SMAD3: variants seen among roughly 807,000 people sequenced by gnomAD.
SMAD3 encodes the protein MAD homolog 3.
A neutral mutation model predicts 51.8 loss-of-function variants in SMAD3; 12 were observed. The observed-to-expected ratio is 0.23, with a 90% CI of 0.15 to 0.38. The LOEUF is 0.38. Ranked by LOEUF, SMAD3 falls within the 10% of genes least tolerant of loss-of-function variation. The pLI is 1.00. For synonymous variants in SMAD3, 238 were observed against 227.7 expected, an observed-to-expected ratio of 1.05 and a Z score of -0.41; for missense variants, 294 against 565.6, an observed-to-expected ratio of 0.52 and a Z score of 4.87.
At chr15:67,082,010 T>G (rs1446673961) in intron 1 of SMAD3, among the ~76,000 whole-genome samples, 1 of 152,040 alleles carries the variant, frequency 6.6e-6, no homozygotes, top group Non-Finnish European at 1.5e-5. Flanking sequence ...ACCAACTTAC[T>G]GATTAATGTT....
At chr15:67,175,125 G>A (rs1468405054) in intron 5 of SMAD3, among the ~76,000 whole-genome samples, 1 of 152,252 alleles carries the variant, frequency 6.6e-6, no homozygotes, top group African/African-American at 2.4e-5. Flanking sequence ...GGGGAAGGAG[G>A]AGGCAGGTGG....
At chr15:67,175,424 C>T (rs567633443) in intron 5 of SMAD3, among the ~76,000 whole-genome samples, 2 of 152,258 alleles carry the variant, frequency 1.3e-5, no homozygotes, top group South Asian at 4.1e-4. Flanking sequence ...CTGTGAATTG[C>T]CCTCTAGATT....
At chr15:67,077,253 G>A (rs1960190731) in intron 1 of SMAD3, among the ~76,000 whole-genome samples, 1 of 151,846 alleles carries the variant, frequency 6.6e-6, no homozygotes, top group South Asian at 2.1e-4. Context: ...ATGTATGTAT[G>A]TATGTATTTA....
At chr15:67,176,758 G>T (rs954005477) in intron 5 of SMAD3, among the ~76,000 whole-genome samples, 8 of 152,358 alleles carry the variant, frequency 5.3e-5, no homozygotes, top group Middle Eastern at 3.4e-3. Flanking sequence ...CACTTGAGAA[G>T]TCTGGCCGAC....
chr15:67,170,735 A>G, intron 5 of SMAD3, 131 bp downstream of exon 5: 1 of 771,434 alleles, frequency 1.3e-6, no homozygotes, highest in Non-Finnish European at 2.2e-6. Flanking sequence ...TCAGCCCATC[A>G]GGTTTCTGGT....
At chr15:67,071,628 G>A (rs1264263353) in intron 1 of SMAD3, among the ~76,000 whole-genome samples, 4 of 152,100 alleles carry the variant, frequency 2.6e-5, no homozygotes, top group African/African-American at 7.2e-5. Context: ...TGGCTAACAC[G>A]GTGAAACCCT....
At chr15:67,125,870 G>T (rs142428828) in intron 1 of SMAD3, 4 of 985,328 alleles carry the variant, frequency 4.1e-6, no homozygotes, top group South Asian at 4.7e-5. Context: ...TATTGCCGCC[G>T]CTCGCTTCAC....
chr15:67,187,366 A>C lies in SMAD3; in HGVS notation c.1011A>C (p.Gly337=), dbSNP rs556975942. The C allele has an allele frequency of 6.2e-7, 1 of 1,614,146 alleles. No homozygotes were observed. Among genetic ancestry groups the C allele is most frequent in the East Asian group, 2.2e-5 (1 of 44,874 alleles). ...HPATVCKIPP[G]CNLKIFNNQE... ...GCCCTGTTTCTGTGTTTTTGGCAGG[A>C]TGCAACCTGAAGATCTTCAACAACC... Residue 337 remains glycine (G), a splice_region_variant and synonymous_variant, in exon 8 of 9, where the codon GGA becomes GGC. Coordinates refer to ENST00000327367, the MANE Select transcript of SMAD3 (RefSeq NM_005902.4).
intron 5 of SMAD3, among the ~76,000 whole-genome samples, chr15:67,172,750 C>T (rs1351029934): frequency 6.6e-6 from 1 of 152,192 alleles, no homozygotes; most frequent in Non-Finnish European, 1.5e-5. Flanking sequence ...AACTCAGGCC[C>T]TCTCACTCCA....
intron 6 of SMAD3, among the ~76,000 whole-genome samples, chr15:67,184,416 A>G (rs1215217933): frequency 1.3e-5 from 2 of 152,044 alleles, no homozygotes; most frequent in Admixed American, 6.6e-5. Flanking sequence ...CCCCATCCCT[A>G]TCGTAGAGAC....
At chr15:67,184,193 C>T (rs1193371693) in intron 6 of SMAD3, among the ~76,000 whole-genome samples, 1 of 151,242 alleles carries the variant, frequency 6.6e-6, no homozygotes, top group East Asian at 1.9e-4. Flanking sequence ...TCTTGAACCC[C>T]TGGGCTCAAG....
intron 1 of SMAD3, among the ~76,000 whole-genome samples, chr15:67,164,096 G>A (rs1372167524): frequency 6.6e-6 from 1 of 151,972 alleles, no homozygotes; most frequent in Non-Finnish European, 1.5e-5. Context: ...CAGATCACGA[G>A]GTTAGGAGAT....
intron 1 of SMAD3, among the ~76,000 whole-genome samples, chr15:67,116,671 T>C (rs74020106): frequency 3.5e-4 from 53 of 152,248 alleles, no homozygotes; most frequent in African/African-American, 1.3e-3. Context: ...GAAGTGCTCC[T>C]CAAAGCCTGT....
At position 67,186,737 on chromosome 15, in the gene SMAD3, G is replaced by A. The variant is rs1963231133; in HGVS notation, c.1010-628G>A. ...GTGAATGTCACCTCCACCCAGCCCA[G>A]TGCCCAGAGGCCAAAATTTGGCCCA... On this transcript the variant is annotated intron_variant, in intron 7 of 8. Coordinates refer to ENST00000327367, the MANE Select transcript of SMAD3 (RefSeq NM_005902.4). 1.8e-5 allele frequency: 4 copies of A among 222,908 alleles called. No homozygotes were observed. In the South Asian group the frequency reaches 2.4e-4, roughly 14 times the overall value. The allele number at this position is 222,908 out of a possible 1,614,324, so 13.8% of individuals were successfully genotyped here. A position where few individuals can be genotyped will look rare whatever the true frequency, so the allele number is the denominator to read the frequency against.
At position 67,157,177 on chromosome 15, in the gene SMAD3, G is replaced by A. The variant is rs189998956; in HGVS notation, c.207-7718G>A. Among the ~76,000 whole-genome samples, 8 of 152,350 alleles carry A rather than the reference G, an allele frequency of 5.3e-5. No individual in the cohort carries two copies. In the East Asian group the frequency reaches 9.6e-4, roughly 18 times the overall value. ...GTGACTAGAAAGTTCGGTATTAAGAGCATGTGTGTGTATTCAATAAAATAG... is the reference window on the plus strand; with the variant it reads ...GTGACTAGAAAGTTCGGTATTAAGAACATGTGTGTGTATTCAATAAAATAG... On this transcript the variant is annotated intron_variant, in intron 1 of 8. Transcript: ENST00000327367.
In SMAD3 at chr15:67,150,300, C is replaced by A. The variant is rs571157045; in HGVS notation, c.207-14595C>A. 1.1e-4 allele frequency among the ~76,000 whole-genome samples: 17 copies of A among 152,238 alleles called. No individual in the cohort carries two copies. In the South Asian group the frequency reaches 2.7e-3, roughly 24 times the overall value. ...AAACTGTGCAATTAACACAAAACCT[C>A]CTCATTTGCCCTCTTCACCTCTCCC... On this transcript the variant is annotated intron_variant, in intron 1 of 8. Transcript: ENST00000327367.
intron 7 of SMAD3, chr15:67,187,025 G>GC (rs1268306425): frequency 8.1e-6 from 4 of 493,034 alleles, no homozygotes; most frequent in Non-Finnish European, 1.2e-5. Context: ...CCAAGGAAAG[G>GC]CCCCCCTCTC....
intron 1 of SMAD3, among the ~76,000 whole-genome samples, chr15:67,072,231 C>T (rs1960070526): frequency 6.6e-6 from 1 of 152,096 alleles, no homozygotes; most frequent in Non-Finnish European, 1.5e-5. Context: ...ACTGAGCGAC[C>T]ATTAATTTTT....
chr15:67,068,230 A>G (rs969961163), intron 1 of SMAD3, among the ~76,000 whole-genome samples: 2 of 152,250 alleles, frequency 1.3e-5, no homozygotes, highest in Non-Finnish European at 2.9e-5. Flanking sequence ...GGCTTGAGTC[A>G]TAGACATGGG....
Sources: gnomAD v4.1 joint callset for allele counts (sites outside exome capture counted in the v4.1 genomes callset) on GRCh38, gnomAD v4.1.1 for gene constraint, MANE v1.5 for transcripts, NCBI Gene and HGNC (gene_info 2026-07-23, HGNC 2026-07-21) for gene names.